The following CCBE1 variants were observed in gnomAD, a reference collection of about 807,000 sequenced individuals.
CCBE1 encodes collagen and calcium-binding EGF domain-containing protein 1.
Under a neutral mutation model 50.0 loss-of-function variants are expected in CCBE1, and 37 were observed. The observed-to-expected ratio is 0.74, with a 90% confidence interval of 0.57 to 0.97. CCBE1 has a LOEUF of 0.97. Ranked by LOEUF, CCBE1 falls within the 50% of genes least tolerant of loss-of-function variation. The probability of loss-of-function intolerance (pLI) is 0.00; values close to 1 mark genes in which losing one functional copy is unlikely to be tolerated. For synonymous variants in CCBE1, 234 were observed against 203.7 expected (o/e 1.15, Z -1.27); for missense variants, 538 against 523.8 (o/e 1.03, Z -0.26).
intron 2 of CCBE1, among the ~76,000 whole-genome samples, chr18:59,613,863 G>T (rs1189941001): frequency 6.1e-5 from 6 of 98,426 alleles, no homozygotes; most frequent in African/African-American, 7.5e-5. Flanking sequence ...TCTCTGATGG[G>T]TTTTTTTTTT....
At chr18:59,595,391 T>C (rs2053336773) in intron 2 of CCBE1, among the ~76,000 whole-genome samples, 1 of 152,178 alleles carries the variant, frequency 6.6e-6, no homozygotes, top group Non-Finnish European at 1.5e-5. Context: ...TTACTTTGCC[T>C]CAGTTTCCTC....
At chr18:59,640,825 A>T (rs956121496) in intron 2 of CCBE1, among the ~76,000 whole-genome samples, 4 of 152,188 alleles carry the variant, frequency 2.6e-5, no homozygotes, top group Admixed American at 2.6e-4. Context: ...AAGTGGAACA[A>T]AGGACATGAA....
At chr18:59,654,785 C>T (rs551970317) in intron 2 of CCBE1, among the ~76,000 whole-genome samples, 2,642 of 114,682 alleles carry the variant, frequency 0.023, 106 homozygotes, top group African/African-American at 0.079. Context: ...AGTGAGACTC[C>T]GTCTCCAAAA....
chr18:59,534,553 C>T (rs1013789281), intron 2 of CCBE1, among the ~76,000 whole-genome samples: 6 of 152,190 alleles, frequency 3.9e-5, no homozygotes, highest in African/African-American at 1.4e-4. Context: ...TGCTTCAAAG[C>T]AGTGATTCTC....
At chr18:59,526,995 G>A (rs1261592398) in intron 2 of CCBE1, among the ~76,000 whole-genome samples, 2 of 152,202 alleles carry the variant, frequency 1.3e-5, no homozygotes, top group Non-Finnish European at 2.9e-5. Flanking sequence ...TTGTTATGGG[G>A]TGGAGAGTTC....
intron 2 of CCBE1, among the ~76,000 whole-genome samples, chr18:59,591,982 T>C (rs7238898): frequency 0.35 from 52,898 of 152,016 alleles, 9,649 homozygotes; most frequent in East Asian, 0.61. Flanking sequence ...ATGCCCCAGA[T>C]AGAAAATGCC....
At chr18:59,576,908 GT>G (rs1163555743) in intron 2 of CCBE1, among the ~76,000 whole-genome samples, 1 of 152,184 alleles carries the variant, frequency 6.6e-6, no homozygotes, top group Non-Finnish European at 1.5e-5. Flanking sequence ...TGAAAGAGAT[GT>G]TTTTTCTGAC....
chr18:59,574,119 A>G (rs2052956087), intron 2 of CCBE1, among the ~76,000 whole-genome samples: 1 of 152,220 alleles, frequency 6.6e-6, no homozygotes, highest in Non-Finnish European at 1.5e-5. Context: ...AACTCCTGAC[A>G]TAACTCAGAG....
chr18:59,480,363 T>G (rs1912516117), intron 2 of CCBE1, 125 bp from the exon 3 acceptor site: 1 of 661,896 alleles, frequency 1.5e-6, no homozygotes, highest in Admixed American at 2.8e-5. Flanking sequence ...AAAGTAGGGG[T>G]GAAGTATTTT....
chr18:59,643,601 C>G (rs1478446917), intron 2 of CCBE1, among the ~76,000 whole-genome samples: 2 of 152,178 alleles, frequency 1.3e-5, no homozygotes, highest in Admixed American at 6.5e-5. Context: ...TCAAGACCAG[C>G]CTGGCCAACA....
In CCBE1 at chr18:59,688,726, G is replaced by A. The variant is rs186771137; in HGVS notation, c.212+7903C>T. On this transcript the variant is annotated intron_variant, in intron 2 of 10. Coordinates refer to ENST00000439986, the MANE Select transcript of CCBE1 (RefSeq NM_133459.4). ...GAGTATCACTTAGGAATGATGACTT[G>A]AAAGAAGTTCCAGCTCAACAAAAAC... is the stretch of plus-strand genomic sequence containing the variant. Among the ~76,000 whole-genome samples, 45 of 152,324 alleles carry A rather than the reference G, an allele frequency of 3.0e-4. No individual in the cohort carries two copies. The East Asian group carries it at 8.1e-3, about 27-fold the overall frequency.
chr18:59,477,027 G>A lies in CCBE1; in HGVS notation c.265+3159C>T, dbSNP rs562856815. Among the ~76,000 whole-genome samples, 6 of 152,296 alleles carry A rather than the reference G, an allele frequency of 3.9e-5. No homozygotes were observed. The South Asian group carries it at 1.2e-3, about 32-fold the overall frequency. On this transcript the variant is annotated intron_variant, in intron 3 of 10. Transcript: ENST00000439986. ...CTAGAGGGCCTAGTTTCAAAGGGAG[G>A]AATACTTCTAGCAACAGAAGCAAAA...
rs1915882045 is a variant in CCBE1, at chr18:59,550,780, G to A, written c.213-70542C>T. On this transcript the variant is annotated intron_variant, in intron 2 of 10. Transcript: ENST00000439986. ...GCGGTGGCTCACGCCTGTAATCCCA[G>A]CACTGTGGGAGGCGGAGGCAGGAGG... Among the ~76,000 whole-genome samples the A allele has an allele frequency of 1.3e-5, 2 of 151,984 alleles. 1 individual carries two copies. Among genetic ancestry groups the A allele is most frequent in the Admixed American group, 1.3e-4 (2 of 15,272 alleles).
chr18:59,686,417 G>A (rs150025643), intron 2 of CCBE1, among the ~76,000 whole-genome samples: 92 of 152,342 alleles, frequency 6.0e-4, no homozygotes, highest in African/African-American at 2.1e-3. Context: ...AGGCTCCAGA[G>A]TCAGACTGCC....
At chr18:59,439,417 A>C in intron 9 of CCBE1, 126 bp downstream of exon 9, 1 of 1,177,548 alleles carries the variant, frequency 8.5e-7, no homozygotes, top group South Asian at 1.2e-5. Flanking sequence ...TAATGAGCCA[A>C]GATTGTGCCA....
At chr18:59,646,279 C>T (rs546378787) in intron 2 of CCBE1, among the ~76,000 whole-genome samples, 2 of 152,280 alleles carry the variant, frequency 1.3e-5, no homozygotes, top group African/African-American at 4.8e-5. Context: ...TGGGACCCAG[C>T]AAGTGAGAGT....
intron 2 of CCBE1, among the ~76,000 whole-genome samples, chr18:59,547,057 G>GAC (rs1915718892): frequency 1.5e-5 from 1 of 64,892 alleles, no homozygotes; most frequent in African/African-American, 9.2e-5. Flanking sequence ...GAGAGGGGGA[G>GAC]AGAGGGGGAG....
intron 5 of CCBE1, among the ~76,000 whole-genome samples, chr18:59,457,451 A>G (rs1911249586): frequency 2.0e-5 from 3 of 152,140 alleles, no homozygotes; most frequent in Non-Finnish European, 2.9e-5. Context: ...ACTTGCCTCG[A>G]CCACAGCCCT....
intron 2 of CCBE1, among the ~76,000 whole-genome samples, chr18:59,661,250 G>A (rs1364312658): frequency 1.3e-5 from 2 of 152,168 alleles, no homozygotes; most frequent in African/African-American, 2.4e-5. Flanking sequence ...TTGTGCAACT[G>A]AGCTTATTTA....
Sources: allele counts gnomAD v4.1 joint callset (sites outside exome capture counted in the v4.1 genomes callset), GRCh38; gene constraint gnomAD v4.1.1; transcripts MANE v1.5; gene names NCBI Gene and HGNC (gene_info 2026-07-23, HGNC 2026-07-21).